The following SLC35D4 variants were observed in gnomAD, a reference collection of about 807,000 sequenced individuals.
SLC35D4 encodes the protein UDP-N-acetylglucosamine transporter SLC35D4.
the SLC35D4 span, chr18:23,310,156 C>T: frequency 2.1e-6 from 2 of 943,166 alleles, no homozygotes; most frequent in Non-Finnish European, 2.5e-6. Flanking sequence ...GTTCTCGGAT[C>T]CTCCAGATAA....
the SLC35D4 span, among the ~76,000 whole-genome samples, chr18:23,248,354 G>C: frequency 6.6e-6 from 1 of 152,106 alleles, no homozygotes; most frequent in Non-Finnish European, 1.5e-5. Flanking sequence ...GCATGGTTCA[G>C]TTCTGAAGTG....
At chr18:23,240,713 T>C in the SLC35D4 span, among the ~76,000 whole-genome samples, 7 of 152,336 alleles carry the variant, frequency 4.6e-5, no homozygotes, top group African/African-American at 1.7e-4. Flanking sequence ...CTGTCCCGTC[T>C]TCCTCGGGCC....
the SLC35D4 span, among the ~76,000 whole-genome samples, chr18:23,301,306 T>A: frequency 1.3e-5 from 2 of 152,182 alleles, no homozygotes; most frequent in Non-Finnish European, 2.9e-5. Flanking sequence ...AGAGGAGGTT[T>A]CAGATTTTTA....
At chr18:23,281,713 T>C in the SLC35D4 span, among the ~76,000 whole-genome samples, 3 of 152,170 alleles carry the variant, frequency 2.0e-5, no homozygotes, top group Admixed American at 1.3e-4. Context: ...GCTTTAAGTC[T>C]ACAATCACAA....
chr18:23,299,372 C>T, the SLC35D4 span, among the ~76,000 whole-genome samples: 2 of 152,318 alleles, frequency 1.3e-5, 1 homozygote, highest in South Asian at 4.1e-4. Context: ...GTGGTCCTCC[C>T]GGTGGGCCAC....
At chr18:23,365,644 A>G in the SLC35D4 span, 1 of 1,613,780 alleles carries the variant, frequency 6.2e-7, no homozygotes, top group South Asian at 1.1e-5. Flanking sequence ...CTGTGGGATG[A>G]GATGCAAATG....
the SLC35D4 span, among the ~76,000 whole-genome samples, chr18:23,324,764 A>C: frequency 6.6e-6 from 1 of 152,138 alleles, no homozygotes; most frequent in Non-Finnish European, 1.5e-5. Flanking sequence ...CAGTCTACGG[A>C]GGGGGAACAG....
the SLC35D4 span, among the ~76,000 whole-genome samples, chr18:23,340,569 C>T: frequency 3.9e-4 from 59 of 152,094 alleles, no homozygotes; most frequent in Admixed American, 3.5e-3. Context: ...GAAATTCTAA[C>T]AATGGAAAAT....
At chr18:23,370,193 G>GGAA in the SLC35D4 span, 1 of 1,532,900 alleles carries the variant, frequency 6.5e-7, no homozygotes, top group Non-Finnish European at 8.8e-7. Context: ...TCCATCTCAA[G>GGAA]GAAAAAAAAA....
At chr18:23,378,388 C>T in the SLC35D4 span, among the ~76,000 whole-genome samples, 1 of 151,990 alleles carries the variant, frequency 6.6e-6, no homozygotes, top group Non-Finnish European at 1.5e-5. Flanking sequence ...ACTAATCCAG[C>T]TGACTCAGAG....
chr18:23,291,964 G>C, the SLC35D4 span, among the ~76,000 whole-genome samples: 2 of 152,184 alleles, frequency 1.3e-5, no homozygotes, highest in Non-Finnish European at 2.9e-5. Context: ...CCTTTGACTG[G>C]CTTCCCCCAG....
the SLC35D4 span, among the ~76,000 whole-genome samples, chr18:23,268,075 A>T: frequency 6.6e-6 from 1 of 152,352 alleles, no homozygotes; most frequent in Middle Eastern, 3.4e-3. Flanking sequence ...GCCATCCCAG[A>T]AAAGAGAGCA....
chr18:23,418,881 G>A, the SLC35D4 span, among the ~76,000 whole-genome samples: 5 of 151,842 alleles, frequency 3.3e-5, no homozygotes, highest in Non-Finnish European at 5.9e-5. Context: ...GGTGGCACGC[G>A]CCTGTAGTCC....
chr18:23,251,022 T>C, the SLC35D4 span, among the ~76,000 whole-genome samples: 1 of 152,168 alleles, frequency 6.6e-6, no homozygotes, highest in East Asian at 1.9e-4. Context: ...AATGGAGGTG[T>C]CCAGAGAAAG....
At chr18:23,337,513 A>G in the SLC35D4 span, among the ~76,000 whole-genome samples, 1 of 152,130 alleles carries the variant, frequency 6.6e-6, no homozygotes, top group Non-Finnish European at 1.5e-5. Flanking sequence ...AAGTCATGAA[A>G]TCTGTGTGAT....
chr18:23,402,194 G>C, the SLC35D4 span, among the ~76,000 whole-genome samples: 1 of 152,206 alleles, frequency 6.6e-6, no homozygotes, highest in African/African-American at 2.4e-5. Flanking sequence ...CCGCTGCTAA[G>C]AATACATTTG....
At chr18:23,356,610 C>A in the SLC35D4 span, 1 of 1,614,152 alleles carries the variant, frequency 6.2e-7, no homozygotes, top group Middle Eastern at 1.6e-4. The surrounding 1 kb of genome is among the most constrained non-coding windows in gnomAD (Gnocchi z 4.1). Flanking sequence ...CAGCAGCTAC[C>A]ATGGAATCTG....
chr18:23,310,076 AG>A, the SLC35D4 span: 1 of 392,714 alleles, frequency 2.5e-6, no homozygotes, highest in Non-Finnish European at 3.5e-6. Flanking sequence ...GGGTATATTA[AG>A]AAAACTCATT....
At chr18:23,251,407 C>T in the SLC35D4 span, among the ~76,000 whole-genome samples, 4 of 152,036 alleles carry the variant, frequency 2.6e-5, no homozygotes, top group South Asian at 2.1e-4. Context: ...GCCGAGATTG[C>T]GCCACTGTAC....
Sources: gnomAD v4.1 joint callset for allele counts (sites outside exome capture counted in the v4.1 genomes callset) on GRCh38, gnomAD v4.1.1 for gene constraint, Gnocchi (gnomAD v3.1) non-coding constraint, MANE v1.5 for transcripts, NCBI Gene and HGNC (gene_info 2026-07-23, HGNC 2026-07-21) for gene names.